The following CEP164 variants were observed in gnomAD, a reference collection of about 807,000 sequenced individuals.
CEP164 encodes centrosomal protein of 164 kDa.
In CEP164, 162 loss-of-function variants were observed where a neutral mutation model predicts 182.7. The ratio of observed to expected loss-of-function variants is 0.89; its 90% CI spans 0.78 to 1.01. CEP164 has a LOEUF of 1.01. Ranked by LOEUF, CEP164 falls within the 50% of genes least tolerant of loss-of-function variation. The pLI, the probability that CEP164 is intolerant of heterozygous loss-of-function variation, is 0.00. For synonymous variants in CEP164, 661 were observed against 690.0 expected, an observed-to-expected ratio of 0.96 and a Z score of 0.66; for missense variants, 1,735 against 1,790.4, an observed-to-expected ratio of 0.97 and a Z score of 0.56.
chr11:117,405,930 AC>A (rs2136793327), intron 27 of CEP164, among the ~76,000 whole-genome samples: 1 of 152,254 alleles, frequency 6.6e-6, no homozygotes, highest in African/African-American at 2.4e-5. Flanking sequence ...TGTTCATATC[AC>A]TATCAGCATT....
At chr11:117,366,455 T>TA (rs2041644823) in intron 8 of CEP164, among the ~76,000 whole-genome samples, 1 of 152,110 alleles carries the variant, frequency 6.6e-6, no homozygotes, top group Non-Finnish European at 1.5e-5. Context: ...TCAAGTCTAT[T>TA]ACAGACTGAA....
intron 6 of CEP164, 118 bp downstream of exon 6, chr11:117,362,111 C>T (rs564463892): frequency 5.3e-5 from 54 of 1,024,398 alleles, no homozygotes; most frequent in South Asian, 5.1e-4. Flanking sequence ...CCTCAGAGTT[C>T]GTAATCCAGT....
rs778037599 is a variant in CEP164, at chr11:117,351,971, C to T, written c.376C>T (p.Pro126Ser). 3.1e-6 allele frequency: 5 copies of T among 1,587,878 alleles called. No individual in the cohort carries two copies. The African/African-American group carries it at 4.0e-5, about 13-fold the overall frequency. Reference sequence around the variant, plus strand: ...AAAGAAAGACAAGAAGGACAGAGACCCCCCCAAAAGTTCGCTGGTGAGTCA... The same window carrying T: ...AAAGAAAGACAAGAAGGACAGAGACTCCCCCAAAAGTTCGCTGGTGAGTCA... ...KEKKDKKDRD[P>S]PKSSLALGSS... The change falls in exon 5 of 33, where the codon CCC becomes TCC. Residue 126 changes from proline to serine, a missense_variant. Pro to Ser is a moderately conservative substitution (Grantham distance 74). Transcript: ENST00000278935.
intron 26 of CEP164, 77 bp downstream of exon 26, chr11:117,396,688 G>A: frequency 8.5e-7 from 1 of 1,177,362 alleles, no homozygotes; most frequent in South Asian, 1.2e-5. Flanking sequence ...CATAGAGCTG[G>A]GGTGAGCTGA....
chr11:117,337,459 C>T (rs1014374923), intron 2 of CEP164, among the ~76,000 whole-genome samples: 1 of 148,506 alleles, frequency 6.7e-6, no homozygotes, highest in Admixed American at 7.0e-5. Context: ...GCATTGCTTG[C>T]ACCCAGGAGT....
chr11:117,341,891 C>CT (rs564869072), intron 3 of CEP164, among the ~76,000 whole-genome samples: 1 of 152,158 alleles, frequency 6.6e-6, no homozygotes, highest in South Asian at 2.1e-4. Context: ...GTCAACATTG[C>CT]TGAGAGGCAT....
rs2136920876 is a variant in CEP164, at chr11:117,409,191, C to G, written c.3748+163C>G. On this transcript the variant is annotated intron_variant, in intron 29 of 32. Coordinates refer to ENST00000278935, the MANE Select transcript of CEP164 (RefSeq NM_014956.5). This position sits in a 1 kb window ranked among gnomAD's most constrained non-coding sequence, Gnocchi z 4.4. Reference sequence around the variant, plus strand: ...CAGTGCTGGGAAGGAATCACACCATCTAGGTTTGCCAGCACGTGGGGCTGA... The same window carrying G: ...CAGTGCTGGGAAGGAATCACACCATGTAGGTTTGCCAGCACGTGGGGCTGA... 1.1e-6 allele frequency: 1 copy of G among 940,450 alleles called. No individual in the cohort carries two copies. Among genetic ancestry groups the G allele is most frequent in the African/African-American group, 1.7e-5 (1 of 60,474 alleles). The allele number at this position is 940,450 out of a possible 1,614,324, so 58.3% of individuals were successfully genotyped here.
chr11:117,369,931 A>G (rs1017190746), intron 8 of CEP164, among the ~76,000 whole-genome samples: 1 of 152,220 alleles, frequency 6.6e-6, no homozygotes, highest in Non-Finnish European at 1.5e-5. Flanking sequence ...AGCTTAGCAG[A>G]TTGACAGCCT....
intron 11 of CEP164, among the ~76,000 whole-genome samples, chr11:117,379,583 G>A (rs1270543064): frequency 1.3e-5 from 2 of 152,140 alleles, no homozygotes; most frequent in African/African-American, 4.8e-5. Context: ...AGCTAACATT[G>A]ATGGCGTGCC....
At chr11:117,324,831 G>C (rs752741912), upstream of CEP164, among the ~76,000 whole-genome samples, 2 of 152,106 alleles carry the variant, frequency 1.3e-5, no homozygotes, top group Admixed American at 6.6e-5. Flanking sequence ...GTGAAACCCT[G>C]TCTCTACTAA....
chr11:117,410,632 T>C (rs2136963835), intron 30 of CEP164, 196 bp from the exon 31 acceptor site: 1 of 508,706 alleles, frequency 2.0e-6, no homozygotes, highest in Non-Finnish European at 3.5e-6. Context: ...TATCTTCTTT[T>C]TGCCCTAACC....
At chr11:117,336,191 G>C (rs1450919302) in intron 2 of CEP164, 1 of 1,587,856 alleles carries the variant, frequency 6.3e-7, no homozygotes, top group Non-Finnish European at 8.6e-7. Flanking sequence ...GAAGGGTCCA[G>C]GGCCTGTATT....
intron 4 of CEP164, among the ~76,000 whole-genome samples, chr11:117,346,162 A>T (rs934736889): frequency 2.0e-5 from 3 of 152,136 alleles, no homozygotes; most frequent in Admixed American, 2.0e-4. Context: ...GGAAACTGTC[A>T]TTGGTTATGG....
Position 117,410,861 on chromosome 11 carries a change from C to A in CEP164, c.4130C>A (p.Pro1377Gln). Residue 1377 changes from proline (P) to glutamine (Q), a missense_variant, in exon 31 of 33, where the codon CCG becomes CAG. Coordinates refer to ENST00000278935, the MANE Select transcript of CEP164 (RefSeq NM_014956.5). ...CCGCTGCTCAGCAACAGCCCCACCC[C>A]GCTGGAGAGCAGGCTGGGTTACATG... ...GIPLLSNSPT[P>Q]LESRLGYMSA... is the part of the protein sequence containing the mutation. 1.2e-6 allele frequency: 2 copies of A among 1,613,304 alleles called. No homozygotes were observed. The highest frequency in any genetic ancestry group is 2.2e-5 in the South Asian group (2 of 90,776).
rs1253100803 is a variant in CEP164, at chr11:117,396,179, C to T, written c.3215C>T (p.Thr1072Ile). ...GAGGACCTGAGGAAATCCCTTGGAA[C>T]AGTGAGCTGGGGGCTGGGGCCTGGG... ...HIEDLRKSLGTNQTKEVSSSL... is the reference protein window; with the variant it reads ...HIEDLRKSLGINQTKEVSSSL... The change falls in exon 25 of 33, where the codon ACA becomes ATA. Residue 1072 changes from threonine (T) to isoleucine (I), a missense_variant and splice_region_variant. Physicochemically the swap from Thr to Ile is moderately conservative, Grantham distance 89 (BLOSUM62 -1). Transcript: ENST00000278935. 12 of 1,585,356 alleles carry T rather than the reference C, an allele frequency of 7.6e-6. No homozygotes were observed. Among genetic ancestry groups the T allele is most frequent in the Non-Finnish European group, 1.7e-6 (2 of 1,160,656 alleles).
chr11:117,373,363 GAA>G (rs201515564), intron 9 of CEP164, among the ~76,000 whole-genome samples: 1 of 141,832 alleles, frequency 7.1e-6, no homozygotes, highest in Non-Finnish European at 1.6e-5. Flanking sequence ...CTCCATCTCG[GAA>G]AAAAAAAAAA....
intron 27 of CEP164, among the ~76,000 whole-genome samples, chr11:117,400,895 A>AT (rs1465774523): frequency 6.6e-6 from 1 of 152,168 alleles, no homozygotes; most frequent in Non-Finnish European, 1.5e-5. Context: ...GGTTGAGATG[A>AT]TGGGGTTTTC....
chr11:117,323,546 G>A (rs1410362687), upstream of CEP164, among the ~76,000 whole-genome samples: 1 of 152,136 alleles, frequency 6.6e-6, no homozygotes, highest in Non-Finnish European at 1.5e-5. Context: ...AAATAATGCT[G>A]CAGTTAACAT....
chr11:117,407,976 C>T lies in CEP164; in HGVS notation c.3553C>T (p.Leu1185=). The T allele has an allele frequency of 1.9e-6, 3 of 1,603,008 alleles. No homozygotes were observed. The highest frequency in any genetic ancestry group is 2.6e-6 in the Non-Finnish European group (3 of 1,174,838). Residue 1185 remains leucine (L), a synonymous_variant, in exon 28 of 33, where the codon CTG becomes TTG. Coordinates refer to ENST00000278935, the MANE Select transcript of CEP164 (RefSeq NM_014956.5). ...GTCGGCCATGCGGAAAGGCCACAACCTGCTGAAGAAGAAAGAGGAGAAGCT... is the reference window on the plus strand; with the variant it reads ...GTCGGCCATGCGGAAAGGCCACAACTTGCTGAAGAAGAAAGAGGAGAAGCT... ...MKSAMRKGHN[L]LKKKEEKLNQ... is the part of the protein sequence containing the mutation.
Sources: allele counts gnomAD v4.1 joint callset (sites outside exome capture counted in the v4.1 genomes callset), GRCh38; gene constraint gnomAD v4.1.1; non-coding constraint Gnocchi (gnomAD v3.1); transcripts MANE v1.5; gene names NCBI Gene and HGNC (gene_info 2026-07-23, HGNC 2026-07-21).